Variants in FAAH2 observed in about 807,000 individuals in gnomAD.
FAAH2 encodes the protein fatty-acid amide hydrolase 2.
A neutral mutation model predicts 36.9 loss-of-function variants in FAAH2; 60 were observed. The observed-to-expected ratio is 1.63, with a 90% confidence interval of 1.32 to 2.02. The LOEUF (loss-of-function observed/expected upper bound fraction) is 2.02. Among genes scored for constraint, FAAH2 ranks in the 30% most tolerant of loss-of-function variants. The probability of loss-of-function intolerance (pLI) is 0.00; values close to 1 mark genes in which losing one functional copy is unlikely to be tolerated. For synonymous variants in FAAH2, 214 were observed against 143.8 expected, an observed-to-expected ratio of 1.49 and a Z score of -3.49; for missense variants, 689 against 397.5, an observed-to-expected ratio of 1.73 and a Z score of -6.23.
chrX:57,335,431 A>C (rs1466946630), intron 4 of FAAH2, among the ~76,000 whole-genome samples: 1 of 112,355 alleles, frequency 8.9e-6, no homozygotes, highest in Non-Finnish European at 1.9e-5. Flanking sequence ...ATGTCTCTGC[A>C]TCATAAACAA....
At chrX:57,158,487 G>C in the FAAH2 span, among the ~76,000 whole-genome samples, 25 of 111,437 alleles carry the variant, frequency 2.2e-4, no homozygotes, top group South Asian at 3.8e-4. Context: ...GTTCCTATTT[G>C]TCCACATCCT....
chrX:57,461,870 C>A (rs1797687900), intron 10 of FAAH2, among the ~76,000 whole-genome samples: 1 of 109,494 alleles, frequency 9.1e-6, no homozygotes, highest in Non-Finnish European at 1.9e-5. Context: ...GCTGGTTTTT[C>A]AAAAAGATTA....
chrX:57,414,850 CTTTT>C (rs760473454), intron 7 of FAAH2, among the ~76,000 whole-genome samples: 7 of 57,870 alleles, frequency 1.2e-4, no homozygotes, highest in African/African-American at 1.9e-4. Context: ...TTGTCCTGGG[CTTTT>C]TTTTTTTTTT....
At chrX:57,375,103 G>T (rs2054638710) in intron 5 of FAAH2, among the ~76,000 whole-genome samples, 1 of 110,587 alleles carries the variant, frequency 9.0e-6, no homozygotes, top group African/African-American at 3.3e-5. Flanking sequence ...TTTTTGATAT[G>T]ATGTTGGATT....
the FAAH2 span, among the ~76,000 whole-genome samples, chrX:57,264,494 A>C: frequency 8.9e-6 from 1 of 112,763 alleles, no homozygotes; most frequent in Admixed American, 9.4e-5. Flanking sequence ...ACCATGTTGC[A>C]TCAGTCAAAC....
At chrX:57,331,399 G>A (rs1170927311) in intron 3 of FAAH2, among the ~76,000 whole-genome samples, 199 bp from the exon 4 acceptor site, 2 of 110,244 alleles carry the variant, frequency 1.8e-5, no homozygotes, top group African/African-American at 6.6e-5. Context: ...ATTCAGCCCA[G>A]CATCTGTGTC....
chrX:57,140,565 A>G, the FAAH2 span, among the ~76,000 whole-genome samples: 1 of 101,375 alleles, frequency 9.9e-6, no homozygotes, highest in East Asian at 3.1e-4. Context: ...ACTGCACTCC[A>G]TCCAGCCTGG....
intron 3 of FAAH2, among the ~76,000 whole-genome samples, chrX:57,311,448 C>T (rs1271191034): frequency 1.8e-5 from 2 of 111,818 alleles, no homozygotes; most frequent in Non-Finnish European, 3.8e-5. Context: ...CCTTGTCGCC[C>T]GTGGGTGTAT....
At chrX:57,239,358 G>C in the FAAH2 span, among the ~76,000 whole-genome samples, 1 of 111,257 alleles carries the variant, frequency 9.0e-6, no homozygotes, top group South Asian at 3.8e-4. Flanking sequence ...TTATCTTTAA[G>C]AATGATGAAT....
rs1196122283 is a variant in FAAH2 at position 57,286,829 on chromosome X, G to A, written c.4G>A (p.Ala2Thr). The change falls in exon 1 of 11, where the codon GCA becomes ACA. Residue 2 changes from alanine to threonine, a missense_variant. Physicochemically the swap from Ala to Thr is moderately conservative, Grantham distance 58. Transcript: ENST00000374900. M[A>T]PSFTARIQLF... ...ACCGTGCGGAATCCAGGCTGCGATG[G>A]CACCTTCATTTACCGCCCGCATTCA... 6.8e-6 allele frequency: 8 copies of A among 1,180,231 alleles called. No individual in the cohort carries two copies. Among genetic ancestry groups the A allele is most frequent in the African/African-American group, 1.8e-5 (1 of 56,694 alleles).
chrX:57,442,132 G>C (rs1189937934), intron 8 of FAAH2, among the ~76,000 whole-genome samples: 1 of 110,940 alleles, frequency 9.0e-6, no homozygotes, highest in Non-Finnish European at 1.9e-5. Flanking sequence ...GGTCCGCTTG[G>C]TGCAGAGCTG....
In FAAH2 at chrX:57,310,664, C is replaced by T; in HGVS notation, c.347C>T (p.Thr116Ile). ...GCAGAGAAGCAGGAAGATGAAGCCA[C>T]CCTGGAAAATAAATGGCCCTTCCTT... is the stretch of plus-strand genomic sequence containing the variant. ...KLAEKQEDEATLENKWPFLGV... is the reference protein window; with the variant it reads ...KLAEKQEDEAILENKWPFLGV... Residue 116 changes from threonine to isoleucine, a missense_variant, in exon 3 of 11, where the codon ACC becomes ATC. Transcript: ENST00000374900. 2 of 1,208,874 alleles carry T rather than the reference C, an allele frequency of 1.7e-6. No homozygotes were observed. Among genetic ancestry groups the T allele is most frequent in the Non-Finnish European group, 2.2e-6 (2 of 894,006 alleles).
chrX:57,378,662 A>G lies in FAAH2; in HGVS notation c.754A>G (p.Asn252Asp). Reference sequence around the variant, plus strand: ...GTCTATCCTTTCAGGTGTGGTTCCCAACAAAGGTCAGTTTCCCTTGGCTGT... The same window carrying G: ...GTCTATCCTTTCAGGTGTGGTTCCCGACAAAGGTCAGTTTCCCTTGGCTGT... ...GHKPSPGVVP[N>D]KGQFPLAVGA... Residue 252 changes from asparagine (N) to aspartate (D), a missense_variant, in exon 6 of 11, where the codon AAC becomes GAC. By Grantham distance (23) the Asn-to-Asp change is conservative. Coordinates refer to ENST00000374900, the MANE Select transcript of FAAH2 (RefSeq NM_174912.4). 2 of 1,211,340 alleles carry G rather than the reference A, an allele frequency of 1.7e-6. No homozygotes were observed. Among genetic ancestry groups the G allele is most frequent in the Non-Finnish European group, 2.2e-6 (2 of 895,267 alleles).
intron 5 of FAAH2, among the ~76,000 whole-genome samples, chrX:57,354,818 A>T (rs919406042): frequency 9.0e-6 from 1 of 110,529 alleles, no homozygotes; most frequent in Non-Finnish European, 1.9e-5. Flanking sequence ...TATTTTCCAA[A>T]TTTTCCATAA....
intron 4 of FAAH2, among the ~76,000 whole-genome samples, chrX:57,336,614 TCAAA>T (rs1335380910): frequency 9.0e-6 from 1 of 111,708 alleles, no homozygotes; most frequent in African/African-American, 3.3e-5. Context: ...TACGGGGAAA[TCAAA>T]CAACCTGCTC....
At chrX:57,434,216 C>T (rs891232421) in intron 8 of FAAH2, among the ~76,000 whole-genome samples, 1 of 107,412 alleles carries the variant, frequency 9.3e-6, no homozygotes, top group East Asian at 2.9e-4. Flanking sequence ...GCTGGGGCTA[C>T]AAGCACACGC....
chrX:57,485,687 C>G (rs1318924794), intron 10 of FAAH2, among the ~76,000 whole-genome samples: 1 of 111,957 alleles, frequency 8.9e-6, no homozygotes, highest in African/African-American at 3.2e-5. Context: ...TTATAACATT[C>G]CTTAACTACT....
chrX:57,478,705 T>C (rs1321350350), intron 10 of FAAH2, among the ~76,000 whole-genome samples: 1 of 112,025 alleles, frequency 8.9e-6, no homozygotes, highest in Non-Finnish European at 1.9e-5. Flanking sequence ...TTTCTACATA[T>C]GGCTAGCCAG....
chrX:57,331,633 G>T lies in FAAH2; in HGVS notation c.448G>T (p.Asp150Tyr), dbSNP rs372488168. ...TTCTTCTGGACTCATGAACCGTCGT[G>T]ATGCCATTGCCAAAACAGATGCCAC... ...PNSSGLMNRR[D>Y]AIAKTDATVV... is the part of the protein sequence containing the mutation. The change falls in exon 4 of 11, where the codon GAT becomes TAT. Residue 150 changes from aspartate to tyrosine, a missense_variant. Asp to Tyr is a radical substitution (Grantham distance 160). Transcript: ENST00000374900. 5.0e-6 allele frequency: 6 copies of T among 1,211,709 alleles called. No homozygotes were observed. Among genetic ancestry groups the T allele is most frequent in the Non-Finnish European group, 5.6e-6 (5 of 895,390 alleles).
Sources: allele counts gnomAD v4.1 joint callset (sites outside exome capture counted in the v4.1 genomes callset), GRCh38; gene constraint gnomAD v4.1.1; transcripts MANE v1.5; gene names NCBI Gene and HGNC (gene_info 2026-07-23, HGNC 2026-07-21).